The following PTP4A2 variants were observed in gnomAD, a reference collection of about 807,000 sequenced individuals.
PTP4A2 encodes the protein protein tyrosine phosphatase type IVA 2.
Under a neutral mutation model 22.9 loss-of-function variants are expected in PTP4A2, and 2 were observed. The ratio of observed to expected loss-of-function variants is 0.09; its 90% confidence interval spans 0.04 to 0.27. PTP4A2 has a LOEUF of 0.27. PTP4A2 is among the 10% of genes least tolerant of loss of function. The pLI is 1.00. For synonymous variants in PTP4A2, 68 were observed against 69.1 expected, an observed-to-expected ratio of 0.98 and a Z score of 0.08; for missense variants, 103 against 205.1, an observed-to-expected ratio of 0.50 and a Z score of 3.04.
At chr1:31,918,138 A>G (rs1475038314) in intron 2 of PTP4A2, among the ~76,000 whole-genome samples, 2 of 151,724 alleles carry the variant, frequency 1.3e-5, no homozygotes, top group Non-Finnish European at 2.9e-5. Context: ...AGTCCCAGCT[A>G]TCAGGGAGGC....
rs374034747 is a variant in PTP4A2 at position 31,925,575 on chromosome 1, C to T, written c.-593-5917G>A. On this transcript the variant is annotated intron_variant, in intron 1 of 5. Coordinates refer to ENST00000647444, the MANE Select transcript of PTP4A2 (RefSeq NM_080391.4). ...AGATAAGAGACCATCCTGGCTAACA[C>T]GGTGAAACCCCGTCTCCACTAAAAA... Among the ~76,000 whole-genome samples, 329 of 151,900 alleles carry T rather than the reference C, an allele frequency of 2.2e-3. 1 individual carries two copies. In the South Asian group the frequency reaches 0.023, roughly 11 times the overall value.
At chr1:31,911,941 A>G (rs1395404215) in intron 3 of PTP4A2, 115 bp from the exon 4 acceptor site, 7 of 574,336 alleles carry the variant, frequency 1.2e-5, no homozygotes, top group Admixed American at 1.1e-4. Flanking sequence ...ACTGCACTAT[A>G]TATACCTATT....
chr1:31,915,172 T>C (rs927532256), intron 3 of PTP4A2, among the ~76,000 whole-genome samples: 1 of 152,242 alleles, frequency 6.6e-6, no homozygotes, highest in African/African-American at 2.4e-5. Context: ...AATTTACATG[T>C]TGTTAAAATA....
At chr1:31,921,437 C>T (rs1652151185) in intron 1 of PTP4A2, 2 of 152,106 alleles carry the variant, frequency 1.3e-5, no homozygotes, top group South Asian at 2.1e-4. Context: ...CTCAAGAATA[C>T]AAAATTATTT....
intron 2 of PTP4A2, among the ~76,000 whole-genome samples, chr1:31,916,914 T>C (rs1041499743): frequency 1.3e-5 from 2 of 152,268 alleles, no homozygotes; most frequent in African/African-American, 4.8e-5. Flanking sequence ...TGTATCTTTA[T>C]ATTTTTATGA....
chr1:31,925,995 G>A (rs1247143980), intron 1 of PTP4A2, among the ~76,000 whole-genome samples: 5 of 151,032 alleles, frequency 3.3e-5, no homozygotes, highest in Non-Finnish European at 7.4e-5. Flanking sequence ...TGGGCGTGGC[G>A]GCGCATGCCT....
At chr1:31,933,862 G>A (rs183555948) in intron 1 of PTP4A2, 2 of 152,360 alleles carry the variant, frequency 1.3e-5, no homozygotes, top group Admixed American at 1.3e-4. Flanking sequence ...AGAAAGGAAT[G>A]TGGAAACCTA....
intron 2 of PTP4A2, 55 bp downstream of exon 2, chr1:31,918,915 T>A (rs1651998546): frequency 9.7e-7 from 1 of 1,028,972 alleles, no homozygotes; most frequent in Admixed American, 1.8e-5. Flanking sequence ...GAGAATTTTT[T>A]AATGGGATTT....
chr1:31,910,235 C>T lies in PTP4A2; in HGVS notation c.321-123G>A, dbSNP rs112242088. On this transcript the variant is annotated intron_variant, in intron 4 of 5. Coordinates refer to ENST00000647444, the MANE Select transcript of PTP4A2 (RefSeq NM_080391.4). Reference sequence around the variant, plus strand: ...TTCTTTTTCCTGTATACTAAAGTAGCTGGTATCTGCCTAATACAGTAAATA... The same window carrying T: ...TTCTTTTTCCTGTATACTAAAGTAGTTGGTATCTGCCTAATACAGTAAATA... 297 of 675,530 alleles carry T rather than the reference C, an allele frequency of 4.4e-4. 2 individuals carry two copies. In the African/African-American group the frequency reaches 4.4e-3, roughly 10 times the overall value. The allele number at this position is 675,530 out of a possible 1,614,324, so 41.8% of individuals were successfully genotyped here. A position where few individuals can be genotyped will look rare whatever the true frequency, so the allele number is the denominator to read the frequency against.
chr1:31,910,905 C>A (rs1651500296), intron 4 of PTP4A2: 1 of 152,152 alleles, frequency 6.6e-6, no homozygotes, highest in Admixed American at 6.5e-5. Flanking sequence ...GAAGTTCTAT[C>A]TTTTTAAAAA....
At chr1:31,915,778 G>A (rs941181972) in intron 3 of PTP4A2, 117 bp downstream of exon 3, 4 of 661,136 alleles carry the variant, frequency 6.1e-6, no homozygotes, top group Non-Finnish European at 1.0e-5. Context: ...GGGTTCAAGT[G>A]ATCTTCCCAC....
At position 31,928,675 on chromosome 1, in the gene PTP4A2, T is replaced by G. The variant is rs375746668; in HGVS notation, c.-593-9017A>C. 6.1e-5 allele frequency among the ~76,000 whole-genome samples: 8 copies of G among 131,292 alleles called. No individual in the cohort carries two copies. The East Asian group carries it at 1.5e-3, about 24-fold the overall frequency. 86.1% of individuals were successfully genotyped at this position (131,292 alleles called of 152,430 possible). A position where few individuals can be genotyped will look rare whatever the true frequency, so the allele number is the denominator to read the frequency against. On this transcript the variant is annotated intron_variant, in intron 1 of 5. Coordinates refer to ENST00000647444, the MANE Select transcript of PTP4A2 (RefSeq NM_080391.4). ...TCGTGCCACTGTACTCCAGCCTGGG[T>G]GACAGAGTGAAACTCTGTCTCAAAA... is the stretch of plus-strand genomic sequence containing the variant.
At chr1:31,915,695 A>G (rs1356469285) in intron 3 of PTP4A2, 200 bp downstream of exon 3, 1 of 397,798 alleles carries the variant, frequency 2.5e-6, no homozygotes, top group Non-Finnish European at 4.6e-6. Context: ...GTGCACCAAC[A>G]TGCCCCACCA....
chr1:31,929,898 TA>T (rs1235579773), intron 1 of PTP4A2, among the ~76,000 whole-genome samples: 1 of 152,194 alleles, frequency 6.6e-6, no homozygotes, highest in East Asian at 1.9e-4. Flanking sequence ...TCAGGACAGT[TA>T]AAATGGCTGT....
chr1:31,919,240 C>A lies in PTP4A2; in HGVS notation c.-175G>T. On this transcript the variant is annotated 5_prime_UTR_variant, in exon 2 of 6. Transcript: ENST00000647444. ...TGTTTATTCCTTATGAAGCTTCTCT[C>A]TTCAAGATAAGCAAAGTATTTAGAA... The A allele has an allele frequency of 2.5e-6, 1 of 398,602 alleles. No homozygotes were observed. Among genetic ancestry groups the A allele is most frequent in the Non-Finnish European group, 4.6e-6 (1 of 217,384 alleles). The allele number at this position is 398,602 out of a possible 1,614,324, so 24.7% of individuals were successfully genotyped here.
At position 31,911,893 on chromosome 1, in the gene PTP4A2, AC is replaced by A. The variant is rs1651551688; in HGVS notation, c.190-68del. On this transcript the variant is annotated intron_variant, in intron 3 of 5. Coordinates refer to ENST00000647444, the MANE Select transcript of PTP4A2 (RefSeq NM_080391.4). The stretch of plus-strand genomic sequence containing the variant: ...CATGATTAACATCCTAATACAGAAT[AC>A]CTGCACACAGTACACACGGCAGGCC... The A allele has an allele frequency of 1.6e-5, 20 of 1,271,136 alleles. No homozygotes were observed. The South Asian group carries it at 1.7e-4, about 11-fold the overall frequency. 78.7% of individuals were successfully genotyped at this position (1,271,136 alleles called of 1,614,324 possible). A position where few individuals can be genotyped will look rare whatever the true frequency, so the allele number is the denominator to read the frequency against.
chr1:31,922,163 A>G (rs552571748), intron 1 of PTP4A2, among the ~76,000 whole-genome samples: 1 of 152,330 alleles, frequency 6.6e-6, no homozygotes, highest in Admixed American at 6.5e-5. Flanking sequence ...GAACCAACAG[A>G]AACATCAACT....
At chr1:31,915,788 C>G (rs1376503781) in intron 3 of PTP4A2, 107 bp downstream of exon 3, 2 of 706,804 alleles carry the variant, frequency 2.8e-6, no homozygotes, top group Non-Finnish European at 4.7e-6. Context: ...GATCTTCCCA[C>G]AATATTGGGA....
intron 1 of PTP4A2, among the ~76,000 whole-genome samples, chr1:31,927,925 G>C (rs1455215093): frequency 2.0e-5 from 3 of 152,016 alleles, no homozygotes; most frequent in Non-Finnish European, 4.4e-5. Context: ...CTGAAAACTT[G>C]TAAACTAAAA....
Sources: gnomAD v4.1 joint callset for allele counts (sites outside exome capture counted in the v4.1 genomes callset) on GRCh38, gnomAD v4.1.1 for gene constraint, MANE v1.5 for transcripts, NCBI Gene and HGNC (gene_info 2026-07-23, HGNC 2026-07-21) for gene names.